Variants in ZHX2 observed in about 807,000 individuals in gnomAD.
ZHX2 encodes zinc fingers and homeoboxes protein 2.
In ZHX2, 6 loss-of-function variants were observed where a neutral mutation model predicts 21.9. That is an observed-to-expected ratio of 0.27 (90% CI 0.15 to 0.54). ZHX2 has a LOEUF of 0.54. ZHX2 is among the 20% of genes least tolerant of loss of function. ZHX2 has a pLI of 0.95. For synonymous variants in ZHX2, 434 were observed against 437.1 expected (o/e 0.99, Z 0.09); for missense variants, 908 against 1,090.7 (o/e 0.83, Z 2.36).
At chr8:122,883,262 CT>C (rs1279998510) in intron 2 of ZHX2, among the ~76,000 whole-genome samples, 1 of 152,148 alleles carries the variant, frequency 6.6e-6, no homozygotes, top group Non-Finnish European at 1.5e-5. Flanking sequence ...AATGCTCGAC[CT>C]GAGCCCGGGT....
chr8:122,959,645 A>G, intron 3 of ZHX2, among the ~76,000 whole-genome samples: 1 of 152,160 alleles, frequency 6.6e-6, no homozygotes, highest in East Asian at 1.9e-4. Context: ...CCCATCACTC[A>G]TTAGCTCCAA....
intron 3 of ZHX2, among the ~76,000 whole-genome samples, chr8:122,969,153 T>G (rs1813657956): frequency 6.6e-6 from 1 of 151,298 alleles, no homozygotes; most frequent in Non-Finnish European, 1.5e-5. Context: ...AGAGCAAGAC[T>G]CTGTCTCAAA....
chr8:122,888,157 C>T (rs920270152), intron 2 of ZHX2, among the ~76,000 whole-genome samples: 1 of 152,068 alleles, frequency 6.6e-6, no homozygotes, highest in Non-Finnish European at 1.5e-5. Flanking sequence ...CCAAGCAACT[C>T]GGGATCCACA....
chr8:122,870,215 T>C (rs1014701223), intron 2 of ZHX2, among the ~76,000 whole-genome samples: 2 of 152,146 alleles, frequency 1.3e-5, no homozygotes, highest in Non-Finnish European at 2.9e-5. Context: ...GCAAGGTCAA[T>C]GAGGCAGACT....
chr8:122,867,498 G>A (rs928713704), intron 2 of ZHX2, among the ~76,000 whole-genome samples: 2 of 152,220 alleles, frequency 1.3e-5, no homozygotes, highest in Middle Eastern at 3.2e-3. Flanking sequence ...TCTAACAGAA[G>A]CAGTGTGTTT....
At chr8:122,887,635 A>C (rs1174762175) in intron 2 of ZHX2, among the ~76,000 whole-genome samples, 4 of 152,206 alleles carry the variant, frequency 2.6e-5, no homozygotes, top group Non-Finnish European at 5.9e-5. Context: ...TTTCATTGCA[A>C]AAGTGTGCTA....
intron 1 of ZHX2, among the ~76,000 whole-genome samples, chr8:122,786,774 AGGTACCACACGTAC>A (rs1325193184): frequency 6.7e-6 from 1 of 150,344 alleles, no homozygotes; most frequent in Non-Finnish European, 1.5e-5. Flanking sequence ...ACCACACATC[AGGTACCACACGTAC>A]GGTACCAGCA....
intron 2 of ZHX2, among the ~76,000 whole-genome samples, chr8:122,933,489 G>A (rs751953160): frequency 1.8e-4 from 27 of 152,038 alleles, no homozygotes; most frequent in African/African-American, 5.3e-4. Context: ...CTGGTTTTCC[G>A]TGTTTGTGGG....
intron 2 of ZHX2, among the ~76,000 whole-genome samples, chr8:122,872,827 G>A (rs1172160113): frequency 1.3e-5 from 2 of 152,208 alleles, no homozygotes; most frequent in East Asian, 1.9e-4. Flanking sequence ...GTCTGCAGGC[G>A]TCGTGTCTCT....
At position 122,870,598 on chromosome 8, in the gene ZHX2, C is replaced by T. The variant is rs181587733; in HGVS notation, c.-220+7059C>T. Among the ~76,000 whole-genome samples the T allele has an allele frequency of 5.9e-4, 80 of 135,066 alleles. 1 individual carries two copies. In the East Asian group the frequency reaches 0.018, roughly 30 times the overall value. The allele number at this position is 135,066 out of a possible 152,430, so 88.6% of individuals were successfully genotyped here. On this transcript the variant is annotated intron_variant, in intron 2 of 3. Coordinates refer to ENST00000314393, the MANE Select transcript of ZHX2 (RefSeq NM_014943.5). ...AGGTTGCAGTGAGCCAAGATCGTAC[C>T]ACTGCACTCCAGCCTGGGTGACAGA...
At chr8:122,783,360 C>T (rs1421090250) in intron 1 of ZHX2, among the ~76,000 whole-genome samples, 1 of 150,110 alleles carries the variant, frequency 6.7e-6, no homozygotes, top group Non-Finnish European at 1.5e-5. Context: ...TGATCACTTT[C>T]TCTCTGTTAA....
Position 122,951,518 on chromosome 8 carries a change from G to A in ZHX2, c.8G>A (p.Ser3Asn). 1 of 1,610,160 alleles carries A rather than the reference G, an allele frequency of 6.2e-7. No homozygotes were observed. Among genetic ancestry groups the A allele is most frequent in the Non-Finnish European group, 8.5e-7 (1 of 1,177,700 alleles). ...TGCACACAGACAGGCAGCATGGCTA[G>A]CAAACGAAAATCTACAACTCCATGC... MA[S>N]KRKSTTPCMV... Residue 3 changes from serine (S) to asparagine (N), a missense_variant, in exon 3 of 4, where the codon AGC (serine) becomes AAC (asparagine). Transcript: ENST00000314393.
At chr8:122,960,152 C>T (rs1172544067) in intron 3 of ZHX2, among the ~76,000 whole-genome samples, 1 of 152,108 alleles carries the variant, frequency 6.6e-6, no homozygotes, top group African/African-American at 2.4e-5. Flanking sequence ...ATGAAAGTTG[C>T]TACACTGACA....
intron 2 of ZHX2, among the ~76,000 whole-genome samples, chr8:122,878,780 T>G (rs1819629092): frequency 1.3e-5 from 2 of 152,286 alleles, no homozygotes; most frequent in Middle Eastern, 3.4e-3. Context: ...TCTAGAAGTC[T>G]GCTTGATGAA....
At chr8:122,955,450 C>T (rs559202314) in intron 3 of ZHX2, among the ~76,000 whole-genome samples, 3 of 152,288 alleles carry the variant, frequency 2.0e-5, no homozygotes, top group African/African-American at 7.2e-5. Flanking sequence ...TCTTAATGAA[C>T]TTGGACAACT....
At chr8:122,780,771 G>A (rs1817261498), upstream of ZHX2, 1 of 152,214 alleles carries the variant, frequency 6.6e-6, no homozygotes, top group African/African-American at 2.4e-5. Flanking sequence ...TAGCTTCCGA[G>A]GGACTTCTCT....
intron 2 of ZHX2, among the ~76,000 whole-genome samples, chr8:122,931,314 G>C (rs1820987826): frequency 6.6e-6 from 1 of 152,122 alleles, no homozygotes; most frequent in Non-Finnish European, 1.5e-5. Flanking sequence ...TGTGCGGTAG[G>C]CCTCATGTTT....
At chr8:122,787,555 G>C (rs1431676514) in intron 1 of ZHX2, among the ~76,000 whole-genome samples, 1 of 152,232 alleles carries the variant, frequency 6.6e-6, no homozygotes, top group Non-Finnish European at 1.5e-5. Flanking sequence ...ATCTTTCAGA[G>C]AGAAATCAGC....
chr8:122,963,261 G>T (rs967299563), intron 3 of ZHX2, among the ~76,000 whole-genome samples: 1 of 152,106 alleles, frequency 6.6e-6, no homozygotes, highest in African/African-American at 2.4e-5. Context: ...TCACGTCTTA[G>T]ATTTAAGTCT....
Sources: gnomAD v4.1 joint callset for allele counts (sites outside exome capture counted in the v4.1 genomes callset) on GRCh38, gnomAD v4.1.1 for gene constraint, MANE v1.5 for transcripts, NCBI Gene and HGNC (gene_info 2026-07-23, HGNC 2026-07-21) for gene names.